The following MED12L variants were observed in gnomAD, a reference collection of about 807,000 sequenced individuals.
MED12L encodes mediator of RNA polymerase II transcription subunit 12-like protein.
Under a neutral mutation model 281.3 loss-of-function variants are expected in MED12L, and 60 were observed. The ratio of observed to expected loss-of-function variants is 0.21; its 90% CI spans 0.17 to 0.26. The LOEUF (loss-of-function observed/expected upper bound fraction) is 0.26, where lower values mean the gene tolerates loss of function less well. Ranked by LOEUF, MED12L falls within the 10% of genes least tolerant of loss-of-function variation. The pLI is 1.00. For missense variants in MED12L, 2,146 were observed against 2,680.9 expected (o/e 0.80, Z 4.41); for synonymous variants, 974 against 987.2 (o/e 0.99, Z 0.25).
At chr3:151,141,454 A>C (rs192953201) in intron 5 of MED12L, among the ~76,000 whole-genome samples, 6 of 152,250 alleles carry the variant, frequency 3.9e-5, no homozygotes. Context: ...TTTTTAACCA[A>C]ATGGGGGCTG....
chr3:151,328,111 TA>T, intron 16 of MED12L: 1 of 1,612,222 alleles, frequency 6.2e-7, no homozygotes, highest in Non-Finnish European at 8.5e-7. Context: ...ATATGTATAT[TA>T]AGGGATCCAT....
intron 16 of MED12L, among the ~76,000 whole-genome samples, chr3:151,210,475 A>G (rs1233866350): frequency 6.6e-6 from 1 of 152,204 alleles, no homozygotes; most frequent in Non-Finnish European, 1.5e-5. Flanking sequence ...TGATCTTTTT[A>G]TATGATTATG....
At chr3:151,388,683 A>T (rs1713790634) in intron 37 of MED12L, among the ~76,000 whole-genome samples, 1 of 152,054 alleles carries the variant, frequency 6.6e-6, no homozygotes, top group Non-Finnish European at 1.5e-5. Context: ...TTCCTTCTTT[A>T]CCATGTTTTC....
At chr3:151,154,588 T>C (rs1719017108) in intron 5 of MED12L, among the ~76,000 whole-genome samples, 1 of 152,192 alleles carries the variant, frequency 6.6e-6, no homozygotes, top group African/African-American at 2.4e-5. Flanking sequence ...TTTTAGCTCC[T>C]GAGGCTAAAA....
Position 151,314,344 on chromosome 3 carries a change from C to G in MED12L, c.2251-35715C>G, listed in dbSNP as rs937122. Among the ~76,000 whole-genome samples, 1,036 of 152,180 alleles carry G rather than the reference C, an allele frequency of 6.8e-3. 10 individuals are homozygous for G. Among genetic ancestry groups the G allele is most frequent in the South Asian group, 0.024 (115 of 4,812 alleles). ...TGCCATATAAGGAGGGAGAGGATTT[C>G]GTAATATTTGTAAGGTCAGAAAGAA... On this transcript the variant is annotated intron_variant, in intron 16 of 44. Coordinates refer to ENST00000687756, the MANE Select transcript of MED12L (RefSeq NM_001393769.1).
chr3:151,193,386 A>G (rs952155871), intron 15 of MED12L, 104 bp from the exon 16 acceptor site: 15 of 788,632 alleles, frequency 1.9e-5, no homozygotes, highest in Middle Eastern at 4.7e-4. Flanking sequence ...TTAAGTAGGA[A>G]AAGGTGTATA....
chr3:151,232,873 C>T (rs1358148537), intron 16 of MED12L, among the ~76,000 whole-genome samples: 1 of 152,154 alleles, frequency 6.6e-6, no homozygotes, highest in African/African-American at 2.4e-5. Context: ...CAACAAATCC[C>T]TGTGGCATGA....
chr3:151,273,764 CTG>C (rs1741405171), intron 16 of MED12L, among the ~76,000 whole-genome samples: 1 of 152,136 alleles, frequency 6.6e-6, no homozygotes, highest in Non-Finnish European at 1.5e-5. Flanking sequence ...CACATAGGGA[CTG>C]GTTGTCTTCT....
chr3:151,148,548 G>A (rs574281524), intron 5 of MED12L, among the ~76,000 whole-genome samples: 1 of 152,274 alleles, frequency 6.6e-6, no homozygotes. Flanking sequence ...TCAGAAGGGG[G>A]TATTATTGTA....
intron 16 of MED12L, among the ~76,000 whole-genome samples, chr3:151,314,057 A>G (rs569230551): frequency 7.9e-5 from 12 of 152,356 alleles, no homozygotes; most frequent in African/African-American, 2.6e-4. Flanking sequence ...TATCTAGTAC[A>G]TTAGAAAAGG....
chr3:151,137,114 A>G (rs1483953943), intron 5 of MED12L, among the ~76,000 whole-genome samples: 1 of 150,416 alleles, frequency 6.6e-6, no homozygotes, highest in South Asian at 2.1e-4. Flanking sequence ...GTGAGCTGAG[A>G]TCGCACCACT....
chr3:151,369,871 G>T (rs1484677118), intron 26 of MED12L, among the ~76,000 whole-genome samples: 2 of 152,122 alleles, frequency 1.3e-5, no homozygotes, highest in African/African-American at 4.8e-5. Flanking sequence ...ATCACACTTT[G>T]TGAGAGACAG....
At chr3:151,368,304 C>G in intron 25 of MED12L, 53 bp downstream of exon 25, 1 of 1,482,044 alleles carries the variant, frequency 6.7e-7, no homozygotes, top group Non-Finnish European at 9.4e-7. Context: ...GCTAAAGTTT[C>G]TAAAATGACC....
At chr3:151,264,446 C>G (rs1160653464) in intron 16 of MED12L, among the ~76,000 whole-genome samples, 2 of 152,206 alleles carry the variant, frequency 1.3e-5, no homozygotes, top group African/African-American at 2.4e-5. Flanking sequence ...ATTGAAAACG[C>G]CTTATGGCCT....
chr3:151,216,299 G>A (rs976561901), intron 16 of MED12L, among the ~76,000 whole-genome samples: 1 of 152,196 alleles, frequency 6.6e-6, no homozygotes, highest in Non-Finnish European at 1.5e-5. Flanking sequence ...GGAACAGTGG[G>A]TACCTTGATG....
Position 151,165,985 on chromosome 3 carries a change from A to T in MED12L, c.1494+3A>T. The T allele has an allele frequency of 6.3e-7, 1 of 1,592,336 alleles. No individual in the cohort carries two copies. Among genetic ancestry groups the T allele is most frequent in the African/African-American group, 1.4e-5 (1 of 73,608 alleles). On this transcript the variant is annotated splice_donor_region_variant and intron_variant, in intron 11 of 44. Transcript: ENST00000687756. ...ACCAAAACAAAGATAACCAAGAGGT[A>T]GTTAATTTTTTTTTAATTCTTTTCA...
intron 5 of MED12L, among the ~76,000 whole-genome samples, chr3:151,137,551 A>G (rs1433023731): frequency 1.3e-5 from 2 of 152,218 alleles, no homozygotes; most frequent in Admixed American, 6.5e-5. Flanking sequence ...ATCAGTGGGT[A>G]AATGGATGGA....
chr3:151,086,575 C>G (rs1435236090), intron 1 of MED12L: 11 of 178,252 alleles, frequency 6.2e-5, no homozygotes, highest in Non-Finnish European at 9.4e-5. Flanking sequence ...GTCACACGTT[C>G]CCATCAGCTG....
Position 151,270,434 on chromosome 3 carries a change from T to C in MED12L, c.2250+76768T>C, listed in dbSNP as rs535807893. 2.6e-5 allele frequency among the ~76,000 whole-genome samples: 4 copies of C among 152,132 alleles called. No homozygotes were observed. The South Asian group carries it at 8.3e-4, about 32-fold the overall frequency. On this transcript the variant is annotated intron_variant, in intron 16 of 44. Transcript: ENST00000687756. ...GTATGGATTTAATACCACTGAACTC[T>C]CTGGGGAAAAAAGAAAAACCTCCCT...
Sources: allele counts gnomAD v4.1 joint callset (sites outside exome capture counted in the v4.1 genomes callset), GRCh38; gene constraint gnomAD v4.1.1; transcripts MANE v1.5; gene names NCBI Gene and HGNC (gene_info 2026-07-23, HGNC 2026-07-21).